The following TENT4A variants were observed in gnomAD, a reference collection of about 807,000 sequenced individuals.
The protein encoded by TENT4A is DNA polymerase kappa.
Under a neutral mutation model 72.8 loss-of-function variants are expected in TENT4A, and 7 were observed. That is an observed-to-expected ratio of 0.10 (90% CI 0.05 to 0.18). The LOEUF is 0.18. TENT4A is among the 10% of genes least tolerant of loss of function. TENT4A has a pLI of 1.00. For missense variants in TENT4A, 831 were observed against 1,017.7 expected (o/e 0.82, Z 2.50); for synonymous variants, 456 against 434.3 (o/e 1.05, Z -0.62).
At chr5:6,734,290 G>A (rs991563485) in intron 1 of TENT4A, among the ~76,000 whole-genome samples, 1 of 152,234 alleles carries the variant, frequency 6.6e-6, no homozygotes, top group African/African-American at 2.4e-5. Flanking sequence ...TCAGTGTTCC[G>A]CCTTGCTGCC....
At chr5:6,729,113 C>T (rs1741079975) in intron 1 of TENT4A, among the ~76,000 whole-genome samples, 1 of 152,202 alleles carries the variant, frequency 6.6e-6, no homozygotes, top group South Asian at 2.1e-4. Context: ...AAAGGACTGG[C>T]CTGTTTCTGT....
At chr5:6,754,469 T>C (rs1579506499) in intron 12 of TENT4A, among the ~76,000 whole-genome samples, 3 of 152,310 alleles carry the variant, frequency 2.0e-5, no homozygotes, top group Middle Eastern at 3.4e-3. Flanking sequence ...GGCACCTGGC[T>C]AGGGACCTTC....
intron 1 of TENT4A, among the ~76,000 whole-genome samples, chr5:6,718,906 C>T (rs1387757961): frequency 2.0e-5 from 3 of 151,620 alleles, no homozygotes; most frequent in African/African-American, 7.3e-5. Flanking sequence ...ATGACAGACT[C>T]TGGAAAAGGA....
At chr5:6,744,886 A>G (rs550265017) in intron 6 of TENT4A, among the ~76,000 whole-genome samples, 64 of 152,320 alleles carry the variant, frequency 4.2e-4, no homozygotes, top group African/African-American at 1.5e-3. Context: ...TGTAGTAACA[A>G]CAGCTACTTA....
rs1356626126 is a variant in TENT4A at position 6,738,697 on chromosome 5, C to T, written c.855C>T (p.Gly285=). The T allele has an allele frequency of 6.2e-7, 1 of 1,613,074 alleles. No individual in the cohort carries two copies. The highest frequency in any genetic ancestry group is 8.5e-7 in the Non-Finnish European group (1 of 1,179,080). ...LWPTADVQIF[G]SFSTGLYLPT... ...CTTTCTTTCAGGTACAGATATTTGG[C>T]AGCTTTAGTACAGGTCTTTATCTTC... The change falls in exon 3 of 13, where the codon GGC becomes GGT. Residue 285 remains glycine, a synonymous_variant. Transcript: ENST00000230859.
chr5:6,743,436 C>CTGAGTTCCTT (rs1741928272), intron 5 of TENT4A, among the ~76,000 whole-genome samples: 1 of 152,166 alleles, frequency 6.6e-6, no homozygotes, highest in African/African-American at 2.4e-5. Flanking sequence ...TGGTCTCTTC[C>CTGAGTTCCTT]TGAGTTCCTT....
Position 6,756,941 on chromosome 5 carries a change from T to C in TENT4A, c.*1996T>C, listed in dbSNP as rs1254053080. 6.6e-6 allele frequency: 1 copy of C among 152,648 alleles called. No homozygotes were observed. The highest frequency in any genetic ancestry group is 2.4e-5 in the African/African-American group (1 of 41,454). 9.5% of individuals were successfully genotyped at this position (152,648 alleles called of 1,614,324 possible). A position where few individuals can be genotyped will look rare whatever the true frequency, so the allele number is the denominator to read the frequency against. ...CTACAGGTTTGACAAAAAGATATCA[T>C]GTTTCGATTTTTTTGTGTGTGGACA... is the stretch of plus-strand genomic sequence containing the variant. On this transcript the variant is annotated 3_prime_UTR_variant, in exon 13 of 13. Coordinates refer to ENST00000230859, the MANE Select transcript of TENT4A (RefSeq NM_006999.6).
At chr5:6,753,083 T>C (rs754649789) in intron 12 of TENT4A, 46 bp downstream of exon 12, 2 of 1,520,720 alleles carry the variant, frequency 1.3e-6, no homozygotes, top group Non-Finnish European at 1.8e-6. Flanking sequence ...CAAGCTGCCA[T>C]GTGAGAGGCG....
Position 6,739,807 on chromosome 5 carries a change from C to T in TENT4A, c.963C>T (p.His321=). The part of the protein sequence containing the change: ...LQLLEQALRK[H]NVAEPCSIKV... ...TGCTGGAGCAAGCCCTGCGGAAGCACAACGTGGCTGAGCCGTGTTCCATCA... is the reference window on the plus strand; with the variant it reads ...TGCTGGAGCAAGCCCTGCGGAAGCATAACGTGGCTGAGCCGTGTTCCATCA... Residue 321 remains histidine, a synonymous_variant, in exon 4 of 13, where the codon CAC becomes CAT. Transcript: ENST00000230859. 1 of 1,614,196 alleles carries T rather than the reference C, an allele frequency of 6.2e-7. No individual in the cohort carries two copies. The highest frequency in any genetic ancestry group is 2.2e-5 in the East Asian group (1 of 44,884).
chr5:6,731,533 G>A (rs1052490316), intron 1 of TENT4A, among the ~76,000 whole-genome samples: 2 of 150,770 alleles, frequency 1.3e-5, no homozygotes, highest in Non-Finnish European at 3.0e-5. Context: ...TGGGTTTAAG[G>A]TGCTGAAACT....
At chr5:6,748,308 G>A (rs1005837048) in intron 7 of TENT4A, among the ~76,000 whole-genome samples, 156 bp from the exon 8 acceptor site, 6 of 152,202 alleles carry the variant, frequency 3.9e-5, no homozygotes, top group Non-Finnish European at 7.3e-5. Context: ...AGTGCCACCC[G>A]TGCCCATTGT....
intron 1 of TENT4A, among the ~76,000 whole-genome samples, chr5:6,736,670 C>T (rs951511719): frequency 1.1e-4 from 17 of 152,264 alleles, no homozygotes; most frequent in African/African-American, 4.1e-4. Context: ...CCACTGGCCA[C>T]AGGGCTGACC....
intron 7 of TENT4A, among the ~76,000 whole-genome samples, chr5:6,747,945 T>C (rs566822792): frequency 4.8e-4 from 73 of 152,326 alleles, no homozygotes; most frequent in African/African-American, 1.6e-3. Flanking sequence ...TCACATTCCA[T>C]TCTAAAGGAT....
rs775331016 is a variant in TENT4A at position 6,743,811 on chromosome 5, C to T, written c.1216C>T (p.Leu406=). Reference sequence around the variant, plus strand: ...TACAGGTGGAATTAGCTCATACAGCCTAATTTTAATGGCCATTAGCTTTCT... The same window carrying T: ...TACAGGTGGAATTAGCTCATACAGCTTAATTTTAATGGCCATTAGCTTTCT... ...VFTGGISSYS[L]ILMAISFLQL... is the part of the protein sequence containing the mutation. Residue 406 remains leucine (L), a synonymous_variant, in exon 6 of 13, where the codon CTA becomes TTA. Transcript: ENST00000230859. 1.2e-6 allele frequency: 2 copies of T among 1,613,792 alleles called. No homozygotes were observed. Among genetic ancestry groups the T allele is most frequent in the East Asian group, 4.5e-5 (2 of 44,888 alleles).
chr5:6,715,197 T>C (rs1740305925), intron 1 of TENT4A: 1 of 152,182 alleles, frequency 6.6e-6, no homozygotes, highest in Non-Finnish European at 1.5e-5. Flanking sequence ...TTTTGGGGGG[T>C]GTTGTGTCCT....
Position 6,749,640 on chromosome 5 carries a change from A to G in TENT4A, c.1670A>G (p.His557Arg). 6.2e-7 allele frequency: 1 copy of G among 1,611,796 alleles called. No homozygotes were observed. Among genetic ancestry groups the G allele is most frequent in the South Asian group, 1.1e-5 (1 of 91,012 alleles). ...AAAGAGAAGTGGGGCAGCAAAGCCC[A>G]CCCGTCGCCAGGCATGGGTGAGAGA... ...WIKEKWGSKA[H>R]PSPGMDSRIK... Residue 557 changes from histidine to arginine, a missense_variant, in exon 9 of 13, where the codon CAC becomes CGC. This residue lies in a region of TENT4A where 332 missense variants were observed against 324.3 expected (regional missense o/e 1.02). Transcript: ENST00000230859.
At chr5:6,719,315 G>A (rs189949634) in intron 1 of TENT4A, among the ~76,000 whole-genome samples, 8 of 152,244 alleles carry the variant, frequency 5.3e-5, no homozygotes, top group Middle Eastern at 6.8e-3. Context: ...GCCTCAGTTA[G>A]GTCATATGGT....
intron 1 of TENT4A, among the ~76,000 whole-genome samples, chr5:6,716,904 G>A (rs1044271803): frequency 2.0e-5 from 3 of 152,228 alleles, no homozygotes; most frequent in Non-Finnish European, 4.4e-5. Flanking sequence ...CATGCCTCCA[G>A]TATGGCCTTG....
intron 1 of TENT4A, among the ~76,000 whole-genome samples, chr5:6,725,612 T>G (rs915430258): frequency 6.6e-6 from 1 of 152,218 alleles, no homozygotes; most frequent in Admixed American, 6.5e-5. Context: ...AAGCTAGAGG[T>G]TGTTTCTAAG....
Sources: gnomAD v4.1 joint callset for allele counts (sites outside exome capture counted in the v4.1 genomes callset) on GRCh38, gnomAD v4.1.1 for gene constraint, gnomAD v4.1.1 regional missense constraint, MANE v1.5 for transcripts, NCBI Gene and HGNC (gene_info 2026-07-23, HGNC 2026-07-21) for gene names.